Variants in DGKD observed in about 807,000 individuals in gnomAD.
DGKD encodes DAG kinase delta.
DGKD carries 68 observed loss-of-function variants against 154.4 expected under a neutral mutation model. That is an observed-to-expected ratio of 0.44 (90% CI 0.36 to 0.54). DGKD has a LOEUF of 0.54. DGKD is among the 20% of genes least tolerant of loss of function. The probability of loss-of-function intolerance (pLI) is 0.00; values close to 1 mark genes in which losing one functional copy is unlikely to be tolerated. For synonymous variants in DGKD, 693 were observed against 638.0 expected (o/e 1.09, Z -1.30); for missense variants, 1,343 against 1,593.6 (o/e 0.84, Z 2.68).
intron 28 of DGKD, among the ~76,000 whole-genome samples, chr2:233,468,142 C>T (rs1198708569): frequency 6.6e-6 from 1 of 151,672 alleles, no homozygotes; most frequent in Non-Finnish European, 1.5e-5. Context: ...TCTTTCTGCA[C>T]TGCTGGTGGG....
chr2:233,362,085 A>C (rs1453394722), intron 1 of DGKD, among the ~76,000 whole-genome samples: 1 of 152,182 alleles, frequency 6.6e-6, no homozygotes, highest in Non-Finnish European at 1.5e-5. Context: ...TGCGTGAGCC[A>C]CCTCACCCAG....
Position 233,439,427 on chromosome 2 carries a change from C to T in DGKD, c.1085+1048C>T, listed in dbSNP as rs192149826. ...ATCCCCACTCACAGCCAGGCGCAGT[C>T]GGAGAGCAGTCACAGATGGCAGCAT... On this transcript the variant is annotated intron_variant, in intron 9 of 29. Coordinates refer to ENST00000264057, the MANE Select transcript of DGKD (RefSeq NM_152879.3). Among the ~76,000 whole-genome samples, 8 of 152,330 alleles carry T rather than the reference C, an allele frequency of 5.3e-5. No individual in the cohort carries two copies. The East Asian group carries it at 9.6e-4, about 18-fold the overall frequency.
At chr2:233,369,262 G>T (rs1301337319) in intron 1 of DGKD, among the ~76,000 whole-genome samples, 1 of 152,042 alleles carries the variant, frequency 6.6e-6, no homozygotes, top group East Asian at 1.9e-4. Context: ...CCTCAGTTTT[G>T]TCTTTTTGCC....
Position 233,441,528 on chromosome 2 carries a change from G to T in DGKD, c.1086-359G>T, listed in dbSNP as rs1260852886. Among the ~76,000 whole-genome samples, 1 of 152,224 alleles carries T rather than the reference G, an allele frequency of 6.6e-6. No homozygotes were observed. The highest frequency in any genetic ancestry group is 1.9e-4 in the East Asian group (1 of 5,196). On this transcript the variant is annotated intron_variant, in intron 9 of 29. Transcript: ENST00000264057. The surrounding 1 kb of genome is among the most constrained non-coding windows in gnomAD (Gnocchi z 5.6). ...ACAGTGACGCAGGGTGGGCTCACAT[G>T]GTTAGGGGCCACGGCAGGCTGTGCC...
intron 3 of DGKD, among the ~76,000 whole-genome samples, chr2:233,398,664 G>T (rs770344678): frequency 2.6e-5 from 4 of 151,964 alleles, no homozygotes; most frequent in African/African-American, 9.7e-5. Flanking sequence ...TCACTGTGTC[G>T]CCCAGGCTGG....
intron 1 of DGKD, among the ~76,000 whole-genome samples, chr2:233,387,374 T>C (rs1703253708): frequency 6.6e-6 from 1 of 152,182 alleles, no homozygotes. Flanking sequence ...TGAGGTGGGA[T>C]GTAACATAGT....
chr2:233,416,339 GA>G (rs1452995616), intron 3 of DGKD, among the ~76,000 whole-genome samples: 1 of 152,120 alleles, frequency 6.6e-6, no homozygotes, highest in Non-Finnish European at 1.5e-5. Context: ...CAATTCATTT[GA>G]AAAGGTGTGG....
chr2:233,413,163 C>T (rs532452262), intron 3 of DGKD, among the ~76,000 whole-genome samples: 9 of 152,124 alleles, frequency 5.9e-5, no homozygotes, highest in African/African-American at 9.6e-5. Flanking sequence ...TTTGGGAGGC[C>T]GAAGCAGGTG....
At position 233,441,814 on chromosome 2, in the gene DGKD, C is replaced by T. The variant is rs2062900282; in HGVS notation, c.1086-73C>T. 2 of 1,442,832 alleles carry T rather than the reference C, an allele frequency of 1.4e-6. No homozygotes were observed. The highest frequency in any genetic ancestry group is 1.4e-5 in the African/African-American group (1 of 71,626). 89.4% of individuals were successfully genotyped at this position (1,442,832 alleles called of 1,614,324 possible). A position where few individuals can be genotyped will look rare whatever the true frequency, so the allele number is the denominator to read the frequency against. ...ATGAGGAGCACAGGTGGCCCCTCAG[C>T]CCCGTACTGACAAGCCTGTCATTTG... On this transcript the variant is annotated intron_variant, in intron 9 of 29. Coordinates refer to ENST00000264057, the MANE Select transcript of DGKD (RefSeq NM_152879.3). The surrounding 1 kb of genome is among the most constrained non-coding windows in gnomAD (Gnocchi z 5.6).
At chr2:233,425,705 T>C (rs535147821) in intron 3 of DGKD, among the ~76,000 whole-genome samples, 3 of 152,228 alleles carry the variant, frequency 2.0e-5, no homozygotes, top group Non-Finnish European at 2.9e-5. Context: ...TATAAGAACA[T>C]GTAGAGTAGC....
chr2:233,399,293 CTCTT>C (rs2061499728), intron 3 of DGKD, among the ~76,000 whole-genome samples: 1 of 152,234 alleles, frequency 6.6e-6, no homozygotes, highest in East Asian at 1.9e-4. Flanking sequence ...GTGCACATAA[CTCTT>C]TGTTGAAGAG....
chr2:233,356,024 G>A (rs1054130658), intron 1 of DGKD, among the ~76,000 whole-genome samples: 1 of 152,238 alleles, frequency 6.6e-6, no homozygotes, highest in Non-Finnish European at 1.5e-5. Flanking sequence ...GGGATTCTCA[G>A]TCTAGTTGGG....
At chr2:233,418,803 G>A (rs1001419918) in intron 3 of DGKD, among the ~76,000 whole-genome samples, 4 of 152,118 alleles carry the variant, frequency 2.6e-5, no homozygotes, top group African/African-American at 9.7e-5. Context: ...TTGGGCCCAC[G>A]TTCCCTTTTA....
chr2:233,446,640 G>T, intron 11 of DGKD, 72 bp from the exon 12 acceptor site: 1 of 1,496,254 alleles, frequency 6.7e-7, no homozygotes, highest in South Asian at 1.2e-5. Flanking sequence ...AGCCGTGAAA[G>T]CGGACGGCGC....
chr2:233,360,473 G>T (rs920467452), intron 1 of DGKD, among the ~76,000 whole-genome samples: 1 of 152,034 alleles, frequency 6.6e-6, no homozygotes, highest in East Asian at 1.9e-4. Flanking sequence ...CATGCTTGGG[G>T]TCTCAAACTC....
In DGKD at chr2:233,430,936, A is replaced by T. The variant is rs908964190; in HGVS notation, c.349-3444A>T. Reference sequence around the variant, plus strand: ...TTAAGCAGCTTTTTACTTGCTTATTATCCATTTTGTATTTCTTCTGTGAGG... The same window carrying T: ...TTAAGCAGCTTTTTACTTGCTTATTTTCCATTTTGTATTTCTTCTGTGAGG... On this transcript the variant is annotated intron_variant, in intron 3 of 29. Transcript: ENST00000264057. Among the ~76,000 whole-genome samples, 4 of 152,194 alleles carry T rather than the reference A, an allele frequency of 2.6e-5. No homozygotes were observed. In the South Asian group the frequency reaches 8.3e-4, roughly 31 times the overall value.
At chr2:233,454,618 G>A in intron 18 of DGKD, 145 bp from the exon 19 acceptor site, 1 of 609,522 alleles carries the variant, frequency 1.6e-6, no homozygotes, top group Non-Finnish European at 3.0e-6. Context: ...AAATTATCTA[G>A]TGTATATCTT....
chr2:233,378,775 T>C (rs1290800437), intron 1 of DGKD, among the ~76,000 whole-genome samples: 2 of 152,234 alleles, frequency 1.3e-5, no homozygotes, highest in Non-Finnish European at 2.9e-5. Flanking sequence ...TGTAGTATTT[T>C]GTAAAACTTC....
At chr2:233,390,694 G>A (rs1006505975) in intron 3 of DGKD, among the ~76,000 whole-genome samples, 3 of 152,144 alleles carry the variant, frequency 2.0e-5, no homozygotes, top group South Asian at 4.1e-4. Flanking sequence ...AGGACAATAG[G>A]GACCAAATGA....
Sources: gnomAD v4.1 joint callset for allele counts (sites outside exome capture counted in the v4.1 genomes callset) on GRCh38, gnomAD v4.1.1 for gene constraint, Gnocchi (gnomAD v3.1) non-coding constraint, MANE v1.5 for transcripts, NCBI Gene and HGNC (gene_info 2026-07-23, HGNC 2026-07-21) for gene names.